The following FEM1C variants were observed in gnomAD, a reference collection of about 807,000 sequenced individuals.
The protein encoded by FEM1C is protein fem-1 homolog C.
FEM1C carries 15 observed loss-of-function variants against 37.6 expected under a neutral mutation model. That is an observed-to-expected ratio of 0.40 (90% CI 0.27 to 0.61). The LOEUF is 0.61. Ranked by LOEUF, FEM1C falls within the 20% of genes least tolerant of loss-of-function variation. The probability of loss-of-function intolerance (pLI) is 0.42; values close to 1 mark genes in which losing one functional copy is unlikely to be tolerated. For synonymous variants in FEM1C, 287 were observed against 272.8 expected (o/e 1.05, Z -0.51); for missense variants, 532 against 749.7 (o/e 0.71, Z 3.39).
At chr5:115,529,932 C>T (rs1252337838) in intron 2 of FEM1C, among the ~76,000 whole-genome samples, 2 of 151,564 alleles carry the variant, frequency 1.3e-5, no homozygotes, top group African/African-American at 4.8e-5. Context: ...CCAAGGAACA[C>T]AAAACAGGCA....
chr5:115,526,729 T>A (rs899390546), intron 2 of FEM1C, among the ~76,000 whole-genome samples: 1 of 152,194 alleles, frequency 6.6e-6, no homozygotes, highest in Admixed American at 6.5e-5. Context: ...GAGACTGCTA[T>A]CCTTAGAAAG....
At chr5:115,526,440 C>G (rs1028585430) in intron 2 of FEM1C, among the ~76,000 whole-genome samples, 6 of 152,058 alleles carry the variant, frequency 3.9e-5, no homozygotes, top group African/African-American at 7.2e-5. Flanking sequence ...TTTAAACATT[C>G]TTTATAGCTG....
At position 115,543,409 on chromosome 5, in the gene FEM1C, C is replaced by T; in HGVS notation, c.85G>A (p.Glu29Lys). Residue 29 changes from glutamate to lysine, a missense_variant, in exon 2 of 3, where the codon GAG (glutamate) becomes AAG (lysine). By Grantham distance (56) the Glu-to-Lys change is moderately conservative. Coordinates refer to ENST00000274457, the MANE Select transcript of FEM1C (RefSeq NM_020177.3). ...TCAGAGATCAAGGAGGAAACCTCCT[C>T]TTTGGATTTGCTTGCCAACAATTTG... is the stretch of plus-strand genomic sequence containing the variant. ...LTKLLASKSKEEVSSLISEKT... is the reference protein window; with the variant it reads ...LTKLLASKSKKEVSSLISEKT... 1.9e-6 allele frequency: 3 copies of T among 1,614,180 alleles called. No homozygotes were observed. Among genetic ancestry groups the T allele is most frequent in the Non-Finnish European group, 2.5e-6 (3 of 1,180,010 alleles).
chr5:115,524,676 A>G lies in FEM1C; in HGVS notation c.1486T>C (p.Cys496Arg). The G allele has an allele frequency of 6.4e-7, 1 of 1,552,110 alleles. No homozygotes were observed. The highest frequency in any genetic ancestry group is 8.7e-7 in the Non-Finnish European group (1 of 1,153,590). The change falls in exon 3 of 3, where the codon TGT becomes CGT. Residue 496 changes from cysteine (C) to arginine (R), a missense_variant. Around this residue, in one of 3 missense-constraint regions of FEM1C, gnomAD observed 237 missense variants for 260.5 expected, o/e 0.91. Transcript: ENST00000274457. ...TTACAAACAGGGTACCGCCCTACAC[A>G]TGTAGTATTCTTGTCCACAGCCAGA... Reference protein sequence around the residue: ...LHLAVDKNTTCVGRYPVCKFP... With the variant: ...LHLAVDKNTTRVGRYPVCKFP...
intron 2 of FEM1C, among the ~76,000 whole-genome samples, chr5:115,539,370 G>A (rs1407676205): frequency 1.3e-5 from 2 of 151,986 alleles, no homozygotes; most frequent in Non-Finnish European, 2.9e-5. Context: ...ACCAAAGGAG[G>A]CCAAAGATGA....
chr5:115,527,164 A>G (rs1374612882), intron 2 of FEM1C, among the ~76,000 whole-genome samples: 2 of 152,150 alleles, frequency 1.3e-5, no homozygotes, highest in African/African-American at 4.8e-5. Flanking sequence ...ATGACATTAC[A>G]GTAATAAATC....
rs146346732 is a variant in FEM1C, at chr5:115,524,995, T to C, written c.1167A>G (p.Leu389=). The change falls in exon 3 of 3, where the codon CTA becomes CTG. Residue 389 remains leucine, a synonymous_variant. Transcript: ENST00000274457. ...TASSLLSFAE[L]FSFMLQDRAK... ...CCCTATCCTGTAGCATAAAGGAGAA[T>C]AGTTCTGCAAAAGATAATAAGCTGC... 6.2e-6 allele frequency: 10 copies of C among 1,613,564 alleles called. No individual in the cohort carries two copies. In the African/African-American group the frequency reaches 1.1e-4, roughly 17 times the overall value.
At chr5:115,539,429 C>A (rs55820160) in intron 2 of FEM1C, among the ~76,000 whole-genome samples, 13,889 of 152,038 alleles carry the variant, frequency 0.091, 722 homozygotes, top group African/African-American at 0.13. Flanking sequence ...GAGAAGGACT[C>A]ACCTAATCAC....
rs562570690 is a variant in FEM1C at position 115,544,254 on chromosome 5, A to G, written c.-191+269T>C. The G allele has an allele frequency of 6.9e-4, 579 of 844,556 alleles. 3 individuals are homozygous for G. The highest frequency in any genetic ancestry group is 7.9e-4 in the Non-Finnish European group (553 of 704,340). 52.3% of individuals were successfully genotyped at this position (844,556 alleles called of 1,614,324 possible). ...CATTAACTTCGCCCGCCCCATTTCG[A>G]TCACCCCCCACCCCCCGCCAAGGGA... On this transcript the variant is annotated intron_variant, in intron 1 of 2. Coordinates refer to ENST00000274457, the MANE Select transcript of FEM1C (RefSeq NM_020177.3).
At chr5:115,540,329 A>G (rs1234892665) in intron 2 of FEM1C, among the ~76,000 whole-genome samples, 1 of 152,124 alleles carries the variant, frequency 6.6e-6, no homozygotes, top group Non-Finnish European at 1.5e-5. Context: ...ATGGAAATTA[A>G]CAGATACCAT....
At position 115,522,772 on chromosome 5, in the gene FEM1C, G is replaced by A. The variant is rs1753802100; in HGVS notation, c.*1536C>T. The A allele has an allele frequency of 6.6e-6, 1 of 152,422 alleles. No homozygotes were observed. Among genetic ancestry groups the A allele is most frequent in the Non-Finnish European group, 1.5e-5 (1 of 67,894 alleles). The allele number at this position is 152,422 out of a possible 1,614,324, so 9.4% of individuals were successfully genotyped here. ...TCAAATCAATAAGGAGCTTTTTATT[G>A]AGAACAACTTCATTAAGACATTTGC... On this transcript the variant is annotated 3_prime_UTR_variant, in exon 3 of 3. Transcript: ENST00000274457.
In FEM1C at chr5:115,532,642, ATAAC is replaced by A. The variant is rs146408045; in HGVS notation, c.545-7029_545-7026del. ...TGACAAAGTTATAATCAGTATATAT[ATAAC>A]TGTTTCCTGCTTTTCACCTACATCT... On this transcript the variant is annotated intron_variant, in intron 2 of 2. Coordinates refer to ENST00000274457, the MANE Select transcript of FEM1C (RefSeq NM_020177.3). 5.0e-3 allele frequency among the ~76,000 whole-genome samples: 753 copies of A among 152,086 alleles called. 5 individuals are homozygous for A. The highest frequency in any genetic ancestry group is 0.017 in the African/African-American group (707 of 41,512).
At chr5:115,534,849 T>TA (rs921331646) in intron 2 of FEM1C, among the ~76,000 whole-genome samples, 11 of 151,952 alleles carry the variant, frequency 7.2e-5, no homozygotes, top group African/African-American at 2.7e-4. Flanking sequence ...ATCCAAGTGA[T>TA]ACCTACGCTG....
rs1335308810 is a variant in FEM1C at position 115,522,520 on chromosome 5, A to T, written c.*1788T>A. 1 of 151,974 alleles carries T rather than the reference A, an allele frequency of 6.6e-6. No individual in the cohort carries two copies. The highest frequency in any genetic ancestry group is 2.4e-5 in the African/African-American group (1 of 41,440). 9.4% of individuals were successfully genotyped at this position (151,974 alleles called of 1,614,324 possible). A position where few individuals can be genotyped will look rare whatever the true frequency, so the allele number is the denominator to read the frequency against. On this transcript the variant is annotated 3_prime_UTR_variant, in exon 3 of 3. Transcript: ENST00000274457. ...TAGCAAATGAGTAAGAATATCTTTT[A>T]AAAATTAAATCTCAATTATTTAACC... is the stretch of plus-strand genomic sequence containing the variant.
In FEM1C at chr5:115,525,636, A is replaced by C; in HGVS notation, c.545-19T>G. ...GTATTACCTTAAAGAGAGAGAGAAA[A>C]AAAGAAATAACATACATTGAGGGAC... On this transcript the variant is annotated intron_variant, in intron 2 of 2. Transcript: ENST00000274457. 1 of 1,586,044 alleles carries C rather than the reference A, an allele frequency of 6.3e-7. No individual in the cohort carries two copies. The highest frequency in any genetic ancestry group is 8.6e-7 in the Non-Finnish European group (1 of 1,164,924).
rs774771673 is a variant in FEM1C, at chr5:115,542,932, C to G, written c.544+18G>C. ...AATAAGTGGTAGACATTTAGAAAAA[C>G]AAAGAAGCTGAACTCACCTTTGACA... On this transcript the variant is annotated intron_variant, in intron 2 of 2. Coordinates refer to ENST00000274457, the MANE Select transcript of FEM1C (RefSeq NM_020177.3). 4 of 1,592,260 alleles carry G rather than the reference C, an allele frequency of 2.5e-6. No individual in the cohort carries two copies. Among genetic ancestry groups the G allele is most frequent in the Non-Finnish European group, 2.6e-6 (3 of 1,169,738 alleles).
Position 115,524,886 on chromosome 5 carries a change from T to C in FEM1C, c.1276A>G (p.Ile426Val), listed in dbSNP as rs544331017. ...TCAGCTGGACACTGAGTTTGTTTGA[T>C]AGCTCGCTCTATTTCAAGGACGCTT... ...CKSVLEIERA[I>V]KQTQCPADPL... The change falls in exon 3 of 3, where the codon ATC (isoleucine) becomes GTC (valine). Residue 426 changes from isoleucine (I) to valine (V), a missense_variant. By Grantham distance (29) the Ile-to-Val change is conservative. Transcript: ENST00000274457. 54 of 1,613,810 alleles carry C rather than the reference T, an allele frequency of 3.3e-5. No individual in the cohort carries two copies. The highest frequency in any genetic ancestry group is 1.0e-4 in the Admixed American group (6 of 59,938).
chr5:115,531,691 A>C (rs1002623525), intron 2 of FEM1C, among the ~76,000 whole-genome samples: 1 of 152,136 alleles, frequency 6.6e-6, no homozygotes, highest in African/African-American at 2.4e-5. Context: ...GCTGTTTCCC[A>C]ACAAAACTTT....
At chr5:115,531,853 T>C (rs1754021718) in intron 2 of FEM1C, among the ~76,000 whole-genome samples, 1 of 152,122 alleles carries the variant, frequency 6.6e-6, no homozygotes, top group African/African-American at 2.4e-5. Flanking sequence ...GGCCATAGTT[T>C]GCCAAACCTG....
Sources: allele counts gnomAD v4.1 joint callset (sites outside exome capture counted in the v4.1 genomes callset), GRCh38; gene constraint gnomAD v4.1.1; regional missense constraint gnomAD v4.1.1; transcripts MANE v1.5; gene names NCBI Gene and HGNC (gene_info 2026-07-23, HGNC 2026-07-21).